Variants in UNC5D observed in about 807,000 individuals in gnomAD.
The protein encoded by UNC5D is netrin receptor UNC5D.
A neutral mutation model predicts 105.4 loss-of-function variants in UNC5D; 39 were observed. That is an observed-to-expected ratio of 0.37 (90% CI 0.29 to 0.48). The LOEUF (loss-of-function observed/expected upper bound fraction) is 0.48. Among genes scored for constraint, UNC5D ranks in the 20% least tolerant of loss-of-function variants. UNC5D has a pLI of 0.98. For synonymous variants in UNC5D, 452 were observed against 450.4 expected (o/e 1.00, Z -0.04); for missense variants, 991 against 1,202.4 (o/e 0.82, Z 2.60).
At chr8:35,392,952 A>C (rs1803866391) in intron 1 of UNC5D, among the ~76,000 whole-genome samples, 1 of 152,304 alleles carries the variant, frequency 6.6e-6, no homozygotes, top group Non-Finnish European at 1.5e-5. Flanking sequence ...GGCTCTCAAT[A>C]GGATCTATTT....
chr8:35,512,050 T>C (rs1812746805), intron 1 of UNC5D, among the ~76,000 whole-genome samples: 1 of 152,108 alleles, frequency 6.6e-6, no homozygotes. Flanking sequence ...TAAATTGTAT[T>C]CCACCTCTAA....
chr8:35,782,030 C>A (rs544039898), intron 16 of UNC5D, among the ~76,000 whole-genome samples: 1 of 152,320 alleles, frequency 6.6e-6, no homozygotes, highest in Non-Finnish European at 1.5e-5. Flanking sequence ...CCTTCCCTTT[C>A]GGGTTTTCCA....
At chr8:35,623,371 G>A (rs951238282) in intron 4 of UNC5D, among the ~76,000 whole-genome samples, 3 of 152,048 alleles carry the variant, frequency 2.0e-5, no homozygotes, top group Non-Finnish European at 2.9e-5. Context: ...GAACACCCGC[G>A]GCGTACATTT....
chr8:35,715,863 A>G (rs564091239), intron 8 of UNC5D, among the ~76,000 whole-genome samples: 1 of 152,318 alleles, frequency 6.6e-6, no homozygotes, highest in South Asian at 2.1e-4. Flanking sequence ...GTGAACTCAC[A>G]TAGGATGGTC....
intron 8 of UNC5D, among the ~76,000 whole-genome samples, chr8:35,716,363 C>T (rs1668646787): frequency 6.6e-6 from 1 of 152,162 alleles, no homozygotes; most frequent in African/African-American, 2.4e-5. Flanking sequence ...TGCTCAGTTA[C>T]TGAGTTACTG....
At chr8:35,398,684 C>G (rs1401461783) in intron 1 of UNC5D, among the ~76,000 whole-genome samples, 1 of 151,970 alleles carries the variant, frequency 6.6e-6, no homozygotes, top group Admixed American at 6.6e-5. Flanking sequence ...ATTTGGTTAT[C>G]TTAGAAAAAT....
chr8:35,558,414 A>G (rs1201327253), intron 2 of UNC5D, among the ~76,000 whole-genome samples: 1 of 152,178 alleles, frequency 6.6e-6, no homozygotes, highest in Admixed American at 6.5e-5. Flanking sequence ...GTATTAATAA[A>G]AATAAAGGGC....
intron 1 of UNC5D, among the ~76,000 whole-genome samples, chr8:35,422,919 T>C (rs533878082): frequency 2.0e-5 from 3 of 152,288 alleles, no homozygotes; most frequent in East Asian, 3.9e-4. Flanking sequence ...AGATGTTATA[T>C]TGGAGGCTCT....
At chr8:35,351,930 T>C (rs1360500520) in intron 1 of UNC5D, among the ~76,000 whole-genome samples, 2 of 152,250 alleles carry the variant, frequency 1.3e-5, no homozygotes, top group Admixed American at 1.3e-4. Flanking sequence ...TAACTGGTGG[T>C]ACCAGTTTTC....
At chr8:35,770,088 A>C (rs888952526) in intron 15 of UNC5D, among the ~76,000 whole-genome samples, 1 of 152,214 alleles carries the variant, frequency 6.6e-6, no homozygotes, top group East Asian at 1.9e-4. Flanking sequence ...GATACATTCT[A>C]GACCCAGGTC....
intron 1 of UNC5D, among the ~76,000 whole-genome samples, chr8:35,271,981 C>T (rs1805437396): frequency 6.6e-6 from 1 of 151,896 alleles, no homozygotes; most frequent in African/African-American, 2.4e-5. Flanking sequence ...TGGATGGGAG[C>T]TCTTTTTAGC....
At chr8:35,453,051 T>G (rs751673264) in intron 1 of UNC5D, among the ~76,000 whole-genome samples, 3 of 152,200 alleles carry the variant, frequency 2.0e-5, no homozygotes, top group Non-Finnish European at 4.4e-5. Flanking sequence ...TTCTAGCTTT[T>G]ACAGTTGTGC....
intron 1 of UNC5D, among the ~76,000 whole-genome samples, chr8:35,411,805 T>G (rs1308079603): frequency 1.3e-5 from 2 of 152,018 alleles, no homozygotes; most frequent in Non-Finnish European, 2.9e-5. Context: ...TTTTTATCAA[T>G]GTTTATCGGA....
At chr8:35,385,566 C>T (rs937151997) in intron 1 of UNC5D, among the ~76,000 whole-genome samples, 13 of 151,244 alleles carry the variant, frequency 8.6e-5, no homozygotes, top group Non-Finnish European at 1.5e-4. Flanking sequence ...CCCGGACTCA[C>T]GCCATTCTCT....
At chr8:35,789,584 C>A (rs927946622) in intron 16 of UNC5D, among the ~76,000 whole-genome samples, 2 of 151,892 alleles carry the variant, frequency 1.3e-5, no homozygotes, top group African/African-American at 4.8e-5. Context: ...TGATGCATTG[C>A]GTTTGTGGAG....
Position 35,726,136 on chromosome 8 carries a change from A to G in UNC5D, c.1304-16A>G. 1 of 1,596,834 alleles carries G rather than the reference A, an allele frequency of 6.3e-7. No homozygotes were observed. The highest frequency in any genetic ancestry group is 8.5e-7 in the Non-Finnish European group (1 of 1,169,712). ...CCTTTTAGTTTCTGAGTGACAGATC[A>G]ATTTTCTTTTACCAGGTAACTCCCT... On this transcript the variant is annotated splice_polypyrimidine_tract_variant and intron_variant, in intron 9 of 16. Coordinates refer to ENST00000404895, the MANE Select transcript of UNC5D (RefSeq NM_080872.4).
chr8:35,237,862 C>T (rs1802570757), intron 1 of UNC5D, among the ~76,000 whole-genome samples: 2 of 152,136 alleles, frequency 1.3e-5, no homozygotes, highest in Admixed American at 6.5e-5. Context: ...CCACATGCAC[C>T]TGGCTTTGCA....
chr8:35,665,697 G>A (rs1824380414), intron 4 of UNC5D, among the ~76,000 whole-genome samples: 2 of 149,804 alleles, frequency 1.3e-5, no homozygotes, highest in Admixed American at 6.7e-5. Context: ...GAAGAATAGG[G>A]TTTTGATCTC....
At chr8:35,653,491 A>T (rs892030713) in intron 4 of UNC5D, among the ~76,000 whole-genome samples, 3 of 152,186 alleles carry the variant, frequency 2.0e-5, no homozygotes, top group Admixed American at 6.5e-5. Context: ...GAAAATGCTG[A>T]TGCTAATGCT....
Sources: allele counts gnomAD v4.1 joint callset (sites outside exome capture counted in the v4.1 genomes callset), GRCh38; gene constraint gnomAD v4.1.1; transcripts MANE v1.5; gene names NCBI Gene and HGNC (gene_info 2026-07-23, HGNC 2026-07-21).